Variants in LRRC8D observed in about 807,000 individuals in gnomAD.
The protein encoded by LRRC8D is leucine rich repeat containing 8 VRAC subunit D.
Under a neutral mutation model 55.8 loss-of-function variants are expected in LRRC8D, and 20 were observed. The observed-to-expected ratio is 0.36, with a 90% CI of 0.25 to 0.52. The LOEUF is 0.52. Ranked by LOEUF, LRRC8D falls within the 20% of genes least tolerant of loss-of-function variation. LRRC8D has a pLI of 0.93. For missense variants in LRRC8D, 651 were observed against 1,030.8 expected (o/e 0.63, Z 5.05); for synonymous variants, 352 against 377.0 (o/e 0.93, Z 0.77).
intron 2 of LRRC8D, among the ~76,000 whole-genome samples, chr1:89,892,439 C>T (rs1662600949): frequency 6.6e-6 from 1 of 152,192 alleles, no homozygotes; most frequent in African/African-American, 2.4e-5. Context: ...GGACCAAGTT[C>T]CCCGCTTGGC....
chr1:89,838,089 G>A (rs558693347), intron 1 of LRRC8D, among the ~76,000 whole-genome samples: 3 of 151,982 alleles, frequency 2.0e-5, no homozygotes, highest in Admixed American at 6.6e-5. Context: ...GCCAGGCGTG[G>A]TGGCTCACGC....
intron 2 of LRRC8D, among the ~76,000 whole-genome samples, chr1:89,870,623 A>G (rs1319638992): frequency 6.6e-6 from 1 of 152,216 alleles, no homozygotes; most frequent in Non-Finnish European, 1.5e-5. Flanking sequence ...TGCATTTAGA[A>G]GGGAAACTCA....
intron 2 of LRRC8D, among the ~76,000 whole-genome samples, chr1:89,910,178 G>A (rs1328316216): frequency 6.6e-6 from 1 of 152,190 alleles, no homozygotes; most frequent in Non-Finnish European, 1.5e-5. Flanking sequence ...ACAACTTTTT[G>A]AAGGTAAGAT....
chr1:89,880,456 A>AC (rs375210079), intron 2 of LRRC8D, among the ~76,000 whole-genome samples: 1 of 138,588 alleles, frequency 7.2e-6, no homozygotes, highest in Non-Finnish European at 1.6e-5. Flanking sequence ...CCTAGGTTTG[A>AC]TTTTTTTTTT....
At chr1:89,878,831 G>T (rs775841531) in intron 2 of LRRC8D, among the ~76,000 whole-genome samples, 4 of 152,100 alleles carry the variant, frequency 2.6e-5, no homozygotes, top group African/African-American at 7.2e-5. Context: ...GCCAGGCATG[G>T]TAGTGGGCAC....
intron 1 of LRRC8D, among the ~76,000 whole-genome samples, chr1:89,825,270 G>T (rs114154203): frequency 0.01 from 1,560 of 152,282 alleles, 27 homozygotes; most frequent in African/African-American, 0.035. Flanking sequence ...GGGCTAATTA[G>T]CCCTTATTTT....
At chr1:89,896,074 G>A (rs1662702971) in intron 2 of LRRC8D, among the ~76,000 whole-genome samples, 1 of 152,244 alleles carries the variant, frequency 6.6e-6, no homozygotes, top group Non-Finnish European at 1.5e-5. Context: ...TGATACATGA[G>A]TTTTAGGTTT....
rs140549346 is a variant in LRRC8D at position 89,912,605 on chromosome 1, C to A, written c.-2-20462C>A. On this transcript the variant is annotated intron_variant, in intron 2 of 2. Coordinates refer to ENST00000337338, the MANE Select transcript of LRRC8D (RefSeq NM_001134479.2). ...TATTCCAGTAGCTTGAAGAAAATCA[C>A]CTCCTTAATTGTCTGGTGCATTTTG... Among the ~76,000 whole-genome samples, 512 of 152,234 alleles carry A rather than the reference C, an allele frequency of 3.4e-3. 2 individuals are homozygous for A. Among genetic ancestry groups the A allele is most frequent in the Non-Finnish European group, 5.2e-3 (356 of 68,024 alleles).
intron 1 of LRRC8D, among the ~76,000 whole-genome samples, chr1:89,840,477 A>G (rs1661107322): frequency 6.6e-6 from 1 of 152,146 alleles, no homozygotes; most frequent in South Asian, 2.1e-4. Context: ...TAGGGAGCCT[A>G]AGAAAGAGAA....
intron 2 of LRRC8D, among the ~76,000 whole-genome samples, chr1:89,877,452 G>C (rs1662175501): frequency 6.6e-6 from 1 of 152,160 alleles, no homozygotes; most frequent in African/African-American, 2.4e-5. Context: ...CTTTGTGAGT[G>C]TTTGCTGTTC....
intron 2 of LRRC8D, chr1:89,846,607 T>C (rs1205108778): frequency 6.6e-6 from 1 of 152,146 alleles, no homozygotes; most frequent in Non-Finnish European, 1.5e-5. Context: ...CCTTACCAAA[T>C]CTCCAGGTTT....
intron 2 of LRRC8D, among the ~76,000 whole-genome samples, chr1:89,872,605 T>C (rs138502776): frequency 6.6e-6 from 1 of 152,370 alleles, no homozygotes; most frequent in Non-Finnish European, 1.5e-5. Flanking sequence ...AACCATCTTA[T>C]TAGAAATATG....
At chr1:89,920,108 A>G (rs1421424526) in intron 2 of LRRC8D, among the ~76,000 whole-genome samples, 1 of 152,202 alleles carries the variant, frequency 6.6e-6, no homozygotes, top group Non-Finnish European at 1.5e-5. Flanking sequence ...GACTTTTAGA[A>G]TTGAGAGCTA....
chr1:89,912,498 TC>T (rs1244157199), intron 2 of LRRC8D, among the ~76,000 whole-genome samples: 2 of 148,236 alleles, frequency 1.3e-5, no homozygotes, highest in African/African-American at 4.9e-5. Context: ...CCTTCCTGAC[TC>T]CCAGATGACT....
At chr1:89,857,822 A>G (rs1480551657) in intron 2 of LRRC8D, among the ~76,000 whole-genome samples, 2 of 152,368 alleles carry the variant, frequency 1.3e-5, no homozygotes, top group South Asian at 4.1e-4. Flanking sequence ...AAAGTTAACC[A>G]GGCCCCACTA....
At chr1:89,913,498 A>G (rs972667954) in intron 2 of LRRC8D, among the ~76,000 whole-genome samples, 1 of 152,238 alleles carries the variant, frequency 6.6e-6, no homozygotes, top group Non-Finnish European at 1.5e-5. Flanking sequence ...CTAGAAAAGT[A>G]TGCCATGCAG....
At chr1:89,900,161 A>G (rs1408648693) in intron 2 of LRRC8D, among the ~76,000 whole-genome samples, 2 of 152,210 alleles carry the variant, frequency 1.3e-5, no homozygotes, top group Non-Finnish European at 2.9e-5. Context: ...AAGGCTTACC[A>G]TAGGCACTGA....
chr1:89,909,383 G>A (rs1166443387), intron 2 of LRRC8D, among the ~76,000 whole-genome samples: 2 of 151,964 alleles, frequency 1.3e-5, no homozygotes, highest in Non-Finnish European at 2.9e-5. Context: ...TAGATGATTA[G>A]GATGCCATTT....
intron 2 of LRRC8D, among the ~76,000 whole-genome samples, chr1:89,919,345 C>T (rs1663354173): frequency 6.6e-6 from 1 of 152,056 alleles, no homozygotes; most frequent in South Asian, 2.1e-4. Flanking sequence ...CTGTCTGTCA[C>T]CAGAGCAGAT....
Sources: gnomAD v4.1 joint callset for allele counts (sites outside exome capture counted in the v4.1 genomes callset) on GRCh38, gnomAD v4.1.1 for gene constraint, MANE v1.5 for transcripts, NCBI Gene and HGNC (gene_info 2026-07-23, HGNC 2026-07-21) for gene names.